The following SETD5 variants were observed in gnomAD, a reference collection of about 807,000 sequenced individuals.
SETD5 encodes SET domain containing 5.
SETD5 carries 44 observed loss-of-function variants against 153.3 expected under a neutral mutation model. The observed-to-expected ratio is 0.29, with a 90% CI of 0.23 to 0.37. SETD5 has a LOEUF of 0.37. Ranked by LOEUF, SETD5 falls within the 10% of genes least tolerant of loss-of-function variation. The pLI, the probability that SETD5 is intolerant of heterozygous loss-of-function variation, is 1.00. For synonymous variants in SETD5, 716 were observed against 645.2 expected, an observed-to-expected ratio of 1.11 and a Z score of -1.66; for missense variants, 1,544 against 1,768.0, an observed-to-expected ratio of 0.87 and a Z score of 2.27.
rs1384541879 is a variant in SETD5, at chr3:9,477,006, G to GGA, written c.*917_*918dup. 1.3e-5 allele frequency: 2 copies of GGA among 152,680 alleles called. No homozygotes were observed. Among genetic ancestry groups the GGA allele is most frequent in the Non-Finnish European group, 2.9e-5 (2 of 68,044 alleles). The allele number at this position is 152,680 out of a possible 1,614,324, so 9.5% of individuals were successfully genotyped here. ...TATTTTTTCTACTCCCAATTAATCA[G>GGA]GAGTTGATGATCCCATGAGCAGGAC... On this transcript the variant is annotated 3_prime_UTR_variant, in exon 23 of 23. Transcript: ENST00000402198.
chr3:9,432,294 C>A (rs2040053474), intron 3 of SETD5: 2 of 985,016 alleles, frequency 2.0e-6, no homozygotes, highest in African/African-American at 3.5e-5. Flanking sequence ...TTAATAAGAT[C>A]CTTTCTCACA....
Position 9,424,481 on chromosome 3 carries a change from T to A in SETD5, c.-162T>A, listed in dbSNP as rs575868292. ...ACTTTTTCTAGGTCTTCAGAACTAC[T>A]AGCAGATAATTTGGGGGGACTTCAT... On this transcript the variant is annotated 5_prime_UTR_variant, in exon 2 of 23. Coordinates refer to ENST00000402198, the MANE Select transcript of SETD5 (RefSeq NM_001080517.3). The A allele has an allele frequency of 6.6e-6, 1 of 152,360 alleles. No homozygotes were observed. The highest frequency in any genetic ancestry group is 1.9e-4 in the East Asian group (1 of 5,190). 9.4% of individuals were successfully genotyped at this position (152,360 alleles called of 1,614,324 possible).
chr3:9,410,094 A>C (rs1227268129), intron 1 of SETD5, among the ~76,000 whole-genome samples: 2 of 152,202 alleles, frequency 1.3e-5, no homozygotes, highest in Admixed American at 6.5e-5. Flanking sequence ...TTGTGTGAAC[A>C]TCTAGAATGT....
intron 17 of SETD5, among the ~76,000 whole-genome samples, chr3:9,454,622 C>CAAAA (rs67028533): frequency 1.9e-4 from 11 of 58,034 alleles, no homozygotes; most frequent in East Asian, 1.2e-3. Flanking sequence ...AACTCCGTCT[C>CAAAA]AAAAAAAAAA....
At chr3:9,460,263 TAA>T (rs373419555) in intron 17 of SETD5, among the ~76,000 whole-genome samples, 1 of 143,842 alleles carries the variant, frequency 7.0e-6, no homozygotes. Context: ...TTCATAGTAG[TAA>T]AAAAAAAAAA....
rs761700008 is a variant in SETD5 at position 9,453,809 on chromosome 3, A to G, written c.2417A>G (p.Gln806Arg). 6.2e-7 allele frequency: 1 copy of G among 1,609,356 alleles called. No individual in the cohort carries two copies. Among genetic ancestry groups the G allele is most frequent in the Non-Finnish European group, 8.5e-7 (1 of 1,178,626 alleles). ...TSSVPQETRT[Q>R]HLYQSNENSS... ...TCTGTACCCCAAGAGACTAGAACTC[A>G]GCACCTATACCAAAGCAATGAGAAT... The change falls in exon 17 of 23, where the codon CAG (glutamine) becomes CGG (arginine). Residue 806 changes from glutamine to arginine, a missense_variant. Coordinates refer to ENST00000402198, the MANE Select transcript of SETD5 (RefSeq NM_001080517.3).
intron 7 of SETD5, among the ~76,000 whole-genome samples, chr3:9,438,055 C>T (rs2040801745): frequency 6.6e-6 from 1 of 152,114 alleles, no homozygotes; most frequent in East Asian, 1.9e-4. Flanking sequence ...GCTTTATGTG[C>T]AGCACCAGTG....
chr3:9,429,780 C>T (rs2039759151), intron 3 of SETD5: 1 of 1,225,228 alleles, frequency 8.2e-7, no homozygotes, highest in Admixed American at 2.9e-5. Context: ...ACAGATTCCC[C>T]CTCTTGTCCT....
At chr3:9,450,870 ATTTATT>A (rs1474200764) in intron 16 of SETD5, among the ~76,000 whole-genome samples, 11 of 152,164 alleles carry the variant, frequency 7.2e-5, no homozygotes, top group African/African-American at 2.4e-4. Context: ...TTCTTATGCT[ATTTATT>A]TTTATTTTTA....
At chr3:9,399,891 G>C (rs2034476417) in intron 1 of SETD5, among the ~76,000 whole-genome samples, 1 of 144,816 alleles carries the variant, frequency 6.9e-6, no homozygotes, top group Admixed American at 7.1e-5. Flanking sequence ...TTGTTCCTTT[G>C]GGTTGGATCA....
chr3:9,474,160 C>T (rs560440209), intron 20 of SETD5, among the ~76,000 whole-genome samples: 31 of 152,154 alleles, frequency 2.0e-4, no homozygotes, highest in Non-Finnish European at 3.1e-4. Context: ...GTATCAGGCA[C>T]ATGATTTCCT....
At position 9,425,051 on chromosome 3, in the gene SETD5, G is replaced by GTTTTTT. The variant is rs1559380190; in HGVS notation, c.-117+528_-117+529insTTTTTT. Among the ~76,000 whole-genome samples, 68 of 91,284 alleles carry GTTTTTT rather than the reference G, an allele frequency of 7.4e-4. 1 individual carries two copies. Among genetic ancestry groups the GTTTTTT allele is most frequent in the African/African-American group, 1.3e-3 (26 of 19,900 alleles). The allele number at this position is 91,284 out of a possible 152,430, so 59.9% of individuals were successfully genotyped here. On this transcript the variant is annotated intron_variant, in intron 2 of 22. Coordinates refer to ENST00000402198, the MANE Select transcript of SETD5 (RefSeq NM_001080517.3). ...ATAGAAATTTATAGTTACCGACAAT[G>GTTTTTT]TTTCTTTTTTTTTTTTTTTTTTTTT... is the stretch of plus-strand genomic sequence containing the variant.
chr3:9,410,391 G>C lies in SETD5; in HGVS notation c.-177+12414G>C, dbSNP rs547136650. 3.9e-5 allele frequency among the ~76,000 whole-genome samples: 6 copies of C among 152,340 alleles called. No homozygotes were observed. The South Asian group carries it at 1.2e-3, about 32-fold the overall frequency. On this transcript the variant is annotated intron_variant, in intron 1 of 22. Transcript: ENST00000402198. ...TGTGGCACATGACCATATATAGTCA[G>C]ATTACAGTATTTTGAAATCCCCCTT...
At chr3:9,411,350 ATG>A (rs2036541540) in intron 1 of SETD5, among the ~76,000 whole-genome samples, 1 of 152,192 alleles carries the variant, frequency 6.6e-6, no homozygotes, top group South Asian at 2.1e-4. Context: ...ATTTGATTTT[ATG>A]TGTTTTAAAT....
At chr3:9,430,290 T>C (rs1053218037) in intron 3 of SETD5, 42 of 984,198 alleles carry the variant, frequency 4.3e-5, no homozygotes, top group African/African-American at 1.7e-4. Context: ...GACTTAAAGC[T>C]ACCCTGAGAA....
rs151175732 is a variant in SETD5 at position 9,448,164 on chromosome 3, G to A, written c.2103+158G>A. Among the ~76,000 whole-genome samples, 1,705 of 152,234 alleles carry A rather than the reference G, an allele frequency of 0.011. 27 individuals are homozygous for A. The highest frequency in any genetic ancestry group is 0.017 in the Non-Finnish European group (1,128 of 68,006). The stretch of plus-strand genomic sequence containing the variant: ...AAAGGCTGGAGTCATCCTGCTACCT[G>A]TTTCCTTATTTTTAGTCAGCTTAAA... On this transcript the variant is annotated intron_variant, in intron 15 of 22. Coordinates refer to ENST00000402198, the MANE Select transcript of SETD5 (RefSeq NM_001080517.3).
At chr3:9,456,449 G>C (rs1433966230) in intron 17 of SETD5, among the ~76,000 whole-genome samples, 2 of 150,352 alleles carry the variant, frequency 1.3e-5, no homozygotes, top group Non-Finnish European at 3.0e-5. Context: ...CTCCAGCCTG[G>C]GTGACGGAGG....
intron 1 of SETD5, among the ~76,000 whole-genome samples, chr3:9,418,695 C>T (rs1336742914): frequency 6.6e-6 from 1 of 151,450 alleles, no homozygotes; most frequent in Non-Finnish European, 1.5e-5. Context: ...CCCAGCTACT[C>T]AGGAGGCTGA....
At chr3:9,466,814 C>T (rs1011074571) in intron 18 of SETD5, among the ~76,000 whole-genome samples, 3 of 152,006 alleles carry the variant, frequency 2.0e-5, no homozygotes, top group African/African-American at 7.3e-5. Context: ...TGCTTGAGGC[C>T]AGGGGTTTGA....
Sources: allele counts gnomAD v4.1 joint callset (sites outside exome capture counted in the v4.1 genomes callset), GRCh38; gene constraint gnomAD v4.1.1; transcripts MANE v1.5; gene names NCBI Gene and HGNC (gene_info 2026-07-23, HGNC 2026-07-21).